Variants in SORCS1 observed in about 807,000 individuals in gnomAD.
SORCS1 encodes the protein VPS10 domain-containing receptor SorCS1.
A neutral mutation model predicts 146.1 loss-of-function variants in SORCS1; 60 were observed. That is an observed-to-expected ratio of 0.41 (90% confidence interval 0.33 to 0.51). The LOEUF is 0.51. Among genes scored for constraint, SORCS1 ranks in the 20% least tolerant of loss-of-function variants. SORCS1 has a pLI of 0.21. For synonymous variants in SORCS1, 637 were observed against 584.0 expected, an observed-to-expected ratio of 1.09 and a Z score of -1.31; for missense variants, 1,352 against 1,487.6, an observed-to-expected ratio of 0.91 and a Z score of 1.50.
intron 1 of SORCS1, among the ~76,000 whole-genome samples, chr10:106,961,569 G>A (rs1011579679): frequency 1.3e-5 from 2 of 152,160 alleles, no homozygotes; most frequent in Admixed American, 6.5e-5. Context: ...CAGAAAGTGC[G>A]ATGGAAGTGA....
chr10:106,685,132 G>A (rs1478158861), intron 10 of SORCS1, among the ~76,000 whole-genome samples: 1 of 152,126 alleles, frequency 6.6e-6, no homozygotes, highest in Admixed American at 6.5e-5. Flanking sequence ...TTGAGCCCAC[G>A]AGCTTCAGAA....
At chr10:106,585,967 G>A (rs1368659926) in intron 24 of SORCS1, among the ~76,000 whole-genome samples, 2 of 152,194 alleles carry the variant, frequency 1.3e-5, no homozygotes, top group Non-Finnish European at 2.9e-5. Flanking sequence ...ACCCATAGCT[G>A]ATTGCAGACA....
intron 1 of SORCS1, among the ~76,000 whole-genome samples, chr10:107,065,932 G>A (rs919394281): frequency 1.3e-5 from 2 of 152,212 alleles, no homozygotes; most frequent in Non-Finnish European, 2.9e-5. Flanking sequence ...AGCTCAGTGA[G>A]TAGCAGAGAC....
intron 7 of SORCS1, 46 bp downstream of exon 7, chr10:106,709,176 GA>G: frequency 2.1e-6 from 3 of 1,447,456 alleles, no homozygotes; most frequent in Non-Finnish European, 2.9e-6. Flanking sequence ...CAGAAACAAG[GA>G]AAAGAAAGGT....
Position 107,095,087 on chromosome 10 carries a change from G to C in SORCS1, c.558+68882C>G, listed in dbSNP as rs150441870. Among the ~76,000 whole-genome samples the C allele has an allele frequency of 9.2e-3, 1,405 of 152,290 alleles. 18 individuals carry two copies. The highest frequency in any genetic ancestry group is 0.01 in the Non-Finnish European group (700 of 68,034). Reference sequence around the variant, plus strand: ...AGATGTTACCTAAGAGCACTGGCTGGTCATTAAGTCAAGAGGTGAAGTGAC... The same window carrying C: ...AGATGTTACCTAAGAGCACTGGCTGCTCATTAAGTCAAGAGGTGAAGTGAC... On this transcript the variant is annotated intron_variant, in intron 1 of 25. Transcript: ENST00000263054.
chr10:107,057,782 T>C (rs753781469), intron 1 of SORCS1, among the ~76,000 whole-genome samples: 7 of 152,204 alleles, frequency 4.6e-5, no homozygotes, highest in Non-Finnish European at 8.8e-5. Context: ...AACCTTCCTA[T>C]AGTGGAAATA....
At position 106,976,049 on chromosome 10, in the gene SORCS1, G is replaced by A. The variant is rs191261748; in HGVS notation, c.559-19469C>T. On this transcript the variant is annotated intron_variant, in intron 1 of 25. Transcript: ENST00000263054. ...TAATCCCAGCTACTCAGGAGGCTGAGGCAGAAGAATTGCTTGAACCCGGGA... is the reference window on the plus strand; with the variant it reads ...TAATCCCAGCTACTCAGGAGGCTGAAGCAGAAGAATTGCTTGAACCCGGGA... 3.9e-3 allele frequency among the ~76,000 whole-genome samples: 589 copies of A among 151,482 alleles called. 4 individuals are homozygous for A. Among genetic ancestry groups the A allele is most frequent in the African/African-American group, 0.014 (563 of 41,300 alleles).
At chr10:107,178,643 C>T in the SORCS1 span, among the ~76,000 whole-genome samples, 1 of 152,170 alleles carries the variant, frequency 6.6e-6, no homozygotes, top group East Asian at 1.9e-4. Context: ...TGCATGCCAC[C>T]ACACCCAGCT....
chr10:106,967,669 G>A (rs77785844), intron 1 of SORCS1, among the ~76,000 whole-genome samples: 1,919 of 152,226 alleles, frequency 0.013, 21 homozygotes, highest in Middle Eastern at 0.044. Flanking sequence ...CATATCTTGC[G>A]CAAGCCCATT....
chr10:107,102,159 C>T (rs958299342), intron 1 of SORCS1, among the ~76,000 whole-genome samples: 3 of 152,136 alleles, frequency 2.0e-5, no homozygotes, highest in Non-Finnish European at 4.4e-5. Context: ...GAAGAATGAA[C>T]AAATGCATGT....
chr10:106,727,673 A>G (rs1363774645), intron 6 of SORCS1, among the ~76,000 whole-genome samples: 1 of 152,250 alleles, frequency 6.6e-6, no homozygotes, highest in Non-Finnish European at 1.5e-5. Flanking sequence ...ATAGTTGTAT[A>G]AAAGCAATCA....
chr10:106,751,269 T>C (rs1225326104), intron 5 of SORCS1, among the ~76,000 whole-genome samples: 3 of 152,008 alleles, frequency 2.0e-5, no homozygotes, highest in Non-Finnish European at 4.4e-5. Flanking sequence ...TCTGGGAAGA[T>C]TCTCTGCCAC....
intron 8 of SORCS1, among the ~76,000 whole-genome samples, chr10:106,704,600 G>C (rs1465314007): frequency 6.6e-6 from 1 of 152,202 alleles, no homozygotes; most frequent in Admixed American, 6.5e-5. Flanking sequence ...TGAGGCAGGA[G>C]AATCGCTTGA....
chr10:107,038,589 A>G (rs372739356), intron 1 of SORCS1, among the ~76,000 whole-genome samples: 1 of 152,162 alleles, frequency 6.6e-6, no homozygotes, highest in Non-Finnish European at 1.5e-5. Context: ...GCTGCCTAGT[A>G]ACTATGTGGT....
chr10:106,829,023 G>A (rs10884363), intron 3 of SORCS1, among the ~76,000 whole-genome samples: 5,886 of 152,220 alleles, frequency 0.039, 300 homozygotes, highest in East Asian at 0.23. Context: ...TTGAAGCTAA[G>A]ATCCATGCTC....
chr10:106,722,148 C>T (rs977149121), intron 6 of SORCS1, among the ~76,000 whole-genome samples: 30 of 148,666 alleles, frequency 2.0e-4, no homozygotes, highest in Non-Finnish European at 3.3e-4. Flanking sequence ...CACACACACA[C>T]ATATATATAT....
chr10:107,011,332 T>A (rs888473841), intron 1 of SORCS1, among the ~76,000 whole-genome samples: 1 of 152,226 alleles, frequency 6.6e-6, no homozygotes, highest in Admixed American at 6.5e-5. Context: ...TAATTGAAAG[T>A]CTGCAATGGA....
intron 2 of SORCS1, among the ~76,000 whole-genome samples, chr10:106,878,646 A>ATATCTATATATATATATATATT (rs1200849744): frequency 8.5e-6 from 1 of 117,886 alleles, no homozygotes; most frequent in South Asian, 2.7e-4. Flanking sequence ...ATATATATAT[A>ATATCTATATATATATATATATT]TATTTTATAG....
chr10:107,174,013 C>T, the SORCS1 span, among the ~76,000 whole-genome samples: 2 of 152,102 alleles, frequency 1.3e-5, no homozygotes, highest in Non-Finnish European at 2.9e-5. Context: ...ATCTCATTGT[C>T]AACTTCTAGG....
Sources: allele counts gnomAD v4.1 joint callset (sites outside exome capture counted in the v4.1 genomes callset), GRCh38; gene constraint gnomAD v4.1.1; transcripts MANE v1.5; gene names NCBI Gene and HGNC (gene_info 2026-07-23, HGNC 2026-07-21).